BOD1L1: variants seen among roughly 807,000 people sequenced by gnomAD.
BOD1L1 encodes the protein biorientation of chromosomes in cell division protein 1-like 1.
BOD1L1 carries 86 observed loss-of-function variants against 240.7 expected under a neutral mutation model. The observed-to-expected ratio is 0.36, with a 90% CI of 0.30 to 0.43. The LOEUF is 0.43. Among genes scored for constraint, BOD1L1 ranks in the 20% least tolerant of loss-of-function variants. The pLI, the probability that BOD1L1 is intolerant of heterozygous loss-of-function variation, is 1.00. For missense variants in BOD1L1, 3,554 were observed against 3,643.5 expected, an observed-to-expected ratio of 0.98 and a Z score of 0.63; for synonymous variants, 1,268 against 1,272.3, an observed-to-expected ratio of 1.00 and a Z score of 0.07.
At position 13,611,120 on chromosome 4, in the gene BOD1L1, A is replaced by C. The variant is rs777473998; in HGVS notation, c.1325-20T>G. On this transcript the variant is annotated intron_variant, in intron 5 of 25. Transcript: ENST00000040738. Reference sequence around the variant, plus strand: ...CTTCATCTGTAAGAAAGTTAATAGAAAGAGGAGTATGTCTGTGAATTAGCA... The same window carrying C: ...CTTCATCTGTAAGAAAGTTAATAGACAGAGGAGTATGTCTGTGAATTAGCA... The C allele has an allele frequency of 1.3e-6, 2 of 1,550,806 alleles. No homozygotes were observed. Among genetic ancestry groups the C allele is most frequent in the Non-Finnish European group, 1.8e-6 (2 of 1,132,454 alleles).
In BOD1L1 at chr4:13,601,609, T is replaced by A; in HGVS notation, c.5291A>T (p.Asp1764Val). Residue 1764 changes from aspartate to valine, a missense_variant, in exon 10 of 26, where the codon GAT (aspartate) becomes GTT (valine). By Grantham distance (152) the Asp-to-Val change is radical (BLOSUM62 -3). Coordinates refer to ENST00000040738, the MANE Select transcript of BOD1L1 (RefSeq NM_148894.3). Reference protein sequence around the residue: ...MVTGAGVVLGDNDAPPGTSAS... With the variant: ...MVTGAGVVLGVNDAPPGTSAS... ...ACTTGTTCCTGGTGGTGCATCATTA[T>A]CTCCCAGGACAACACCTGCACCTGT... 6.2e-7 allele frequency: 1 copy of A among 1,613,962 alleles called. No individual in the cohort carries two copies. The highest frequency in any genetic ancestry group is 8.5e-7 in the Non-Finnish European group (1 of 1,179,878).
intron 24 of BOD1L1, 106 bp from the exon 25 acceptor site, chr4:13,577,097 G>C: frequency 7.5e-7 from 1 of 1,336,916 alleles, no homozygotes; most frequent in Non-Finnish European, 1.0e-6. Context: ...CTTGGAGGCA[G>C]AGAAATGGTT....
At position 13,571,924 on chromosome 4, in the gene BOD1L1, G is replaced by A. The variant is rs143017136; in HGVS notation, c.9039-1796C>T. Among the ~76,000 whole-genome samples, 717 of 152,240 alleles carry A rather than the reference G, an allele frequency of 4.7e-3. 6 individuals are homozygous for A. The highest frequency in any genetic ancestry group is 0.016 in the African/African-American group (679 of 41,536). On this transcript the variant is annotated intron_variant, in intron 25 of 25. Transcript: ENST00000040738. The stretch of plus-strand genomic sequence containing the variant: ...GTTTGCTTTCGTTTCTAGAATGTGC[G>A]GAAAACAGCACATACATACAAGTAT...
chr4:13,575,666 G>A (rs1712654302), intron 25 of BOD1L1, among the ~76,000 whole-genome samples: 1 of 152,174 alleles, frequency 6.6e-6, no homozygotes, highest in Admixed American at 6.5e-5. Context: ...TTACAAGCAT[G>A]AGCTACCGTG....
chr4:13,588,446 G>C (rs1180736469), intron 15 of BOD1L1, among the ~76,000 whole-genome samples: 1 of 152,090 alleles, frequency 6.6e-6, no homozygotes, highest in Non-Finnish European at 1.5e-5. Flanking sequence ...TACTGTCTTA[G>C]TGGCTTATTA....
intron 17 of BOD1L1, among the ~76,000 whole-genome samples, chr4:13,585,659 T>C (rs1411472237): frequency 6.6e-6 from 1 of 152,162 alleles, no homozygotes; most frequent in Non-Finnish European, 1.5e-5. Context: ...GATTTGGCTG[T>C]GACCCCACTC....
chr4:13,591,021 C>T (rs901230371), intron 13 of BOD1L1, among the ~76,000 whole-genome samples: 1 of 152,030 alleles, frequency 6.6e-6, no homozygotes, highest in Non-Finnish European at 1.5e-5. Context: ...GCTCGGTAAG[C>T]TCCAACCCCA....
Position 13,599,649 on chromosome 4 carries a change from A to G in BOD1L1, c.7251T>C (p.Ser2417=), listed in dbSNP as rs1304846493. Residue 2417 remains serine, a synonymous_variant, in exon 10 of 26, where the codon TCT becomes TCC. Transcript: ENST00000040738. ...GHNGPSVHKP[S]AGQGHPSAVC... ...CAGCACTTGGATGGCCTTGCCCTGC[A>G]GAGGGCTTGTGGACTGATGGCCCGT... 7 of 1,613,902 alleles carry G rather than the reference A, an allele frequency of 4.3e-6. No homozygotes were observed. The highest frequency in any genetic ancestry group is 5.9e-6 in the Non-Finnish European group (7 of 1,179,908).
At chr4:13,577,070 A>C in intron 24 of BOD1L1, 79 bp from the exon 25 acceptor site, 1 of 1,508,906 alleles carries the variant, frequency 6.6e-7, no homozygotes, top group Non-Finnish European at 8.9e-7. Flanking sequence ...GGAGTTTAGA[A>C]CTTAGGATAT....
At chr4:13,609,262 A>C (rs916886508) in intron 7 of BOD1L1, 33 bp downstream of exon 7, 1 of 1,236,760 alleles carries the variant, frequency 8.1e-7, no homozygotes, top group Non-Finnish European at 1.1e-6. Context: ...AATATATGAG[A>C]TAGTTTAAAA....
intron 23 of BOD1L1, 30 bp downstream of exon 23, chr4:13,577,552 A>G: frequency 6.3e-7 from 1 of 1,589,300 alleles, no homozygotes. Flanking sequence ...TTTCTAAACA[A>G]CATATCTTGA....
intron 5 of BOD1L1, among the ~76,000 whole-genome samples, chr4:13,612,519 G>C (rs768211390): frequency 1.1e-4 from 16 of 152,130 alleles, no homozygotes; most frequent in Non-Finnish European, 1.6e-4. Flanking sequence ...TCCTGGGGTG[G>C]TTCTGAGGAC....
At chr4:13,611,355 A>C (rs970787731) in intron 5 of BOD1L1, among the ~76,000 whole-genome samples, 3 of 152,216 alleles carry the variant, frequency 2.0e-5, no homozygotes, top group African/African-American at 7.2e-5. Context: ...TTTCAGACAA[A>C]TTAAATGTAA....
At position 13,600,038 on chromosome 4, in the gene BOD1L1, C is replaced by T. The variant is rs2108939947; in HGVS notation, c.6862G>A (p.Gly2288Ser). The T allele has an allele frequency of 6.2e-7, 1 of 1,610,024 alleles. No individual in the cohort carries two copies. The highest frequency in any genetic ancestry group is 8.5e-7 in the Non-Finnish European group (1 of 1,178,032). Residue 2288 changes from glycine to serine, a missense_variant, in exon 10 of 26, where the codon GGT becomes AGT. Around this residue, in one of 2 missense-constraint regions of BOD1L1, gnomAD observed 3,393 missense variants for 3,427.1 expected, o/e 0.99. Transcript: ENST00000040738. ...CTTGTGGAAATCATGGCGGTGTCAC[C>T]CATCTCTTCCGCTGGTGTGACTGAG... ...DPSVTPAEEM[G>S]DTAMISTSTS... is the part of the protein sequence containing the mutation.
chr4:13,607,708 A>C (rs1577362763), intron 8 of BOD1L1, among the ~76,000 whole-genome samples: 1 of 152,314 alleles, frequency 6.6e-6, no homozygotes, highest in East Asian at 1.9e-4. Flanking sequence ...ACATAGCATT[A>C]ACTGTTCTTG....
rs1183790775 is a variant in BOD1L1 at position 13,591,944 on chromosome 4, CA to C, written c.8126del (p.Leu2709CysfsTer3). ...TTACATTTAGTGATTCATTCACCAACAAAGGCTCCCTCTGGAGTTCAGCTGT... is the reference window on the plus strand; with the variant it reads ...TTACATTTAGTGATTCATTCACCAACAAGGCTCCCTCTGGAGTTCAGCTGT... ...SGIAELQREP[L>X]LVNESLNVEN... On this transcript the variant is annotated frameshift_variant, in exon 13 of 26. Transcript: ENST00000040738. LOFTEE classifies it high-confidence loss of function. The C allele has an allele frequency of 1.3e-6, 2 of 1,564,702 alleles. No individual in the cohort carries two copies. The highest frequency in any genetic ancestry group is 8.7e-7 in the Non-Finnish European group (1 of 1,154,494).
intron 21 of BOD1L1, 93 bp from the exon 22 acceptor site, chr4:13,580,066 G>C (rs1713101966): frequency 1.1e-6 from 1 of 912,694 alleles, no homozygotes; most frequent in Non-Finnish European, 1.7e-6. Context: ...GGTGGTATAG[G>C]ATCTTTATTT....
intron 2 of BOD1L1, among the ~76,000 whole-genome samples, chr4:13,616,604 T>C (rs1412831699): frequency 6.6e-6 from 1 of 152,244 alleles, no homozygotes; most frequent in East Asian, 1.9e-4. Context: ...GTGCTCGTCA[T>C]TTTTAGCTTC....
chr4:13,581,933 A>T lies in BOD1L1; in HGVS notation c.8592+304T>A, dbSNP rs1377515590. 3.3e-5 allele frequency among the ~76,000 whole-genome samples: 5 copies of T among 152,296 alleles called. No homozygotes were observed. In the East Asian group the frequency reaches 9.7e-4, roughly 30 times the overall value. ...TTTGCTGCCATGTGCCTGGCCTGGC[A>T]GCTCAGCATTGCCAGGCCAGGAACC... On this transcript the variant is annotated intron_variant, in intron 19 of 25. Transcript: ENST00000040738.
Sources: allele counts gnomAD v4.1 joint callset (sites outside exome capture counted in the v4.1 genomes callset), GRCh38; gene constraint gnomAD v4.1.1; regional missense constraint gnomAD v4.1.1; transcripts MANE v1.5; gene names NCBI Gene and HGNC (gene_info 2026-07-23, HGNC 2026-07-21).